GPS2: variants seen among roughly 807,000 people sequenced by gnomAD.
GPS2 encodes the protein GPS-2.
GPS2 carries 22 observed loss-of-function variants against 48.1 expected under a neutral mutation model. That is an observed-to-expected ratio of 0.46 (90% confidence interval 0.33 to 0.65). The LOEUF (loss-of-function observed/expected upper bound fraction) is 0.65. GPS2 is among the 30% of genes least tolerant of loss of function. GPS2 has a pLI of 0.03. For missense variants in GPS2, 366 were observed against 406.8 expected (o/e 0.90, Z 0.86); for synonymous variants, 202 against 142.5 (o/e 1.42, Z -2.98).
At position 7,314,489 on chromosome 17, in the gene GPS2, T is replaced by C; in HGVS notation, c.203A>G (p.Gln68Arg). 2 of 1,614,186 alleles carry C rather than the reference T, an allele frequency of 1.2e-6. No individual in the cohort carries two copies. The highest frequency in any genetic ancestry group is 8.5e-7 in the Non-Finnish European group (1 of 1,180,012). Residue 68 changes from glutamine to arginine, a missense_variant and splice_region_variant, in exon 3 of 11, where the codon CAA (glutamine) becomes CGA (arginine). Transcript: ENST00000380728. ...GGGAAAGTTCAAGGGACTGCTTACTTGTTCCTTGGTCTCCTCTAATGACAT... is the reference window on the plus strand; with the variant it reads ...GGGAAAGTTCAAGGGACTGCTTACTCGTTCCTTGGTCTCCTCTAATGACAT... ...ERMSLEETKEQILKLEEKLLA... is the reference protein window; with the variant it reads ...ERMSLEETKERILKLEEKLLA...
In GPS2 at chr17:7,313,198, G is replaced by A. The variant is rs1567615381; in HGVS notation, c.804+14C>T. 14 of 1,613,086 alleles carry A rather than the reference G, an allele frequency of 8.7e-6. No homozygotes were observed. The highest frequency in any genetic ancestry group is 1.7e-5 in the Admixed American group (1 of 59,982). On this transcript the variant is annotated intron_variant, in intron 9 of 10. Transcript: ENST00000380728. ...CATATCCCTAACCCTGACCTCCCAA[G>A]GTGCCATACTCACTGAGTCGGAGAA...
chr17:7,312,919 C>T (rs566702745), intron 10 of GPS2, 80 bp from the exon 11 acceptor site: 2 of 1,498,936 alleles, frequency 1.3e-6, no homozygotes, highest in East Asian at 2.3e-5. Context: ...TAACCACCCC[C>T]AAAGAGGAAG....
intron 4 of GPS2, 26 bp downstream of exon 4, chr17:7,314,265 T>A: frequency 2.5e-6 from 4 of 1,607,618 alleles, no homozygotes; most frequent in South Asian, 1.1e-5. Flanking sequence ...TGGCCCCCAT[T>A]TCAGTTTTTA....
At chr17:7,313,315 G>A in intron 8 of GPS2, 24 bp from the exon 9 acceptor site, 1 of 1,612,484 alleles carries the variant, frequency 6.2e-7, no homozygotes, top group Non-Finnish European at 8.5e-7. Context: ...AGGGGCATGT[G>A]AGATGAGAAT....
intron 2 of GPS2, 131 bp downstream of exon 2, chr17:7,314,828 C>T: frequency 3.8e-6 from 5 of 1,303,286 alleles, no homozygotes; most frequent in Non-Finnish European, 5.4e-6. Context: ...TAAATCCCAC[C>T]ACAACGGGGC....
Position 7,313,377 on chromosome 17 carries a change from C to T in GPS2, c.724+3G>A, listed in dbSNP as rs2072890421. 6.2e-7 allele frequency: 1 copy of T among 1,613,854 alleles called. No homozygotes were observed. The highest frequency in any genetic ancestry group is 8.5e-7 in the Non-Finnish European group (1 of 1,179,772). ...CTAGAGCTCCTGCATGGGATGTTATCACCTGTCTGAGTGGGCTGAAAGTGG... is the reference window on the plus strand; with the variant it reads ...CTAGAGCTCCTGCATGGGATGTTATTACCTGTCTGAGTGGGCTGAAAGTGG... On this transcript the variant is annotated splice_donor_region_variant and intron_variant, in intron 8 of 10. Transcript: ENST00000380728.
Position 7,312,845 on chromosome 17 carries a change from G to A in GPS2, c.901-6C>T, listed in dbSNP as rs1284712967. The A allele has an allele frequency of 6.2e-7, 1 of 1,612,948 alleles. No homozygotes were observed. The highest frequency in any genetic ancestry group is 8.5e-7 in the Non-Finnish European group (1 of 1,179,058). ...CTGGTAGCTGCAAAGCCCGACTGGT[G>A]GTGGTGATGAAAAGAGGGCTTTGTC... is the stretch of plus-strand genomic sequence containing the variant. On this transcript the variant is annotated splice_polypyrimidine_tract_variant and splice_region_variant and intron_variant, in intron 10 of 10. Coordinates refer to ENST00000380728, the MANE Select transcript of GPS2 (RefSeq NM_004489.5).
intron 4 of GPS2, 43 bp from the exon 5 acceptor site, chr17:7,314,202 T>C (rs1207826489): frequency 1.3e-6 from 2 of 1,596,258 alleles, no homozygotes; most frequent in South Asian, 1.1e-5. Flanking sequence ...GACAGATGCC[T>C]TCTCTTTTGC....
At position 7,313,981 on chromosome 17, in the gene GPS2, A is replaced by G. The variant is rs778163298; in HGVS notation, c.405T>C (p.Pro135=). Residue 135 remains proline (P), a synonymous_variant, in exon 6 of 11, where the codon CCT becomes CCC. Transcript: ENST00000380728. ...GTHLLSMQGS[P]GGHNRPGTLM... ...GGGTGCCTGGGCGATTGTGTCCTCCAGGGCTCCCTAGAAAGGGAGAAGGGC... is the reference window on the plus strand; with the variant it reads ...GGGTGCCTGGGCGATTGTGTCCTCCGGGGCTCCCTAGAAAGGGAGAAGGGC... The G allele has an allele frequency of 6.2e-7, 1 of 1,613,680 alleles. No individual in the cohort carries two copies. Among genetic ancestry groups the G allele is most frequent in the Non-Finnish European group, 8.5e-7 (1 of 1,179,772 alleles).
intron 8 of GPS2, 27 bp downstream of exon 8, chr17:7,313,353 T>C (rs934313294): frequency 1.9e-6 from 3 of 1,611,840 alleles, no homozygotes; most frequent in Admixed American, 3.3e-5. Flanking sequence ...ACCTGAGAGC[T>C]AGAGCTCCTG....
intron 1 of GPS2, 59 bp from the exon 2 acceptor site, chr17:7,315,178 C>T (rs960409950): frequency 5.7e-6 from 3 of 527,628 alleles, no homozygotes; most frequent in Non-Finnish European, 6.0e-6. Flanking sequence ...AGCCCGTCCG[C>T]CCGGCCCGCT....
At chr17:7,313,330 C>T (rs1029890552) in intron 8 of GPS2, 39 bp from the exon 9 acceptor site, 10 of 1,611,556 alleles carry the variant, frequency 6.2e-6, no homozygotes, top group Non-Finnish European at 6.8e-6. Context: ...GAGAATGAAA[C>T]AGGGAGGGGA....
intron 7 of GPS2, 34 bp downstream of exon 7, chr17:7,313,534 A>G (rs749986238): frequency 1.2e-6 from 2 of 1,613,616 alleles, no homozygotes; most frequent in Non-Finnish European, 1.7e-6. Context: ...TTTGACCTTG[A>G]GGAAGGCCAA....
rs776644362 is a variant in GPS2, at chr17:7,314,414, G to T, written c.205-11C>A. Reference sequence around the variant, plus strand: ...CTCCAACTTCAGAATCTGGGATGGGGTGGGAAAAGAAGATGAAGGCAGGGA... The same window carrying T: ...CTCCAACTTCAGAATCTGGGATGGGTTGGGAAAAGAAGATGAAGGCAGGGA... On this transcript the variant is annotated splice_polypyrimidine_tract_variant and intron_variant, in intron 3 of 10. Transcript: ENST00000380728. The T allele has an allele frequency of 2.5e-6, 4 of 1,614,130 alleles. No individual in the cohort carries two copies. Among genetic ancestry groups the T allele is most frequent in the Middle Eastern group, 1.6e-4 (1 of 6,062 alleles).
rs1453707907 is a variant in GPS2, at chr17:7,314,951, C to A, written c.94+8G>T. ...GCCGTGCGTCCCCCTGCTATGGCCC[C>A]GGCTCACCCTGCCGCTTGCGCTCCC... On this transcript the variant is annotated splice_region_variant and intron_variant, in intron 2 of 10. Coordinates refer to ENST00000380728, the MANE Select transcript of GPS2 (RefSeq NM_004489.5). The A allele has an allele frequency of 6.4e-7, 1 of 1,568,756 alleles. No individual in the cohort carries two copies. Among genetic ancestry groups the A allele is most frequent in the Non-Finnish European group, 8.6e-7 (1 of 1,157,750 alleles).
intron 6 of GPS2, 23 bp downstream of exon 6, chr17:7,313,883 T>TA: frequency 1.2e-6 from 2 of 1,604,104 alleles, no homozygotes; most frequent in Non-Finnish European, 8.5e-7. Flanking sequence ...TACTAGGGGC[T>TA]AGGCATCCAA....
chr17:7,313,754 C>T (rs2072897207), intron 6 of GPS2, 33 bp from the exon 7 acceptor site: 1 of 1,609,870 alleles, frequency 6.2e-7, no homozygotes, highest in African/African-American at 1.3e-5. Flanking sequence ...CGCCTACAAA[C>T]TCCTTGAAAG....
Position 7,314,078 on chromosome 17 carries a change from A to C in GPS2, c.397+2T>G. The C allele has an allele frequency of 6.2e-7, 1 of 1,613,692 alleles. No individual in the cohort carries two copies. The highest frequency in any genetic ancestry group is 8.5e-7 in the Non-Finnish European group (1 of 1,179,696). ...CCATCTGGTGGTTTCTTTAGTCCTC[A>C]CCCTGCATGCTGAGGAGATGAGTTC... On this transcript the variant is annotated splice_donor_variant, in intron 5 of 10. Coordinates refer to ENST00000380728, the MANE Select transcript of GPS2 (RefSeq NM_004489.5). LOFTEE classifies it high-confidence loss of function.
rs2072894024 is a variant in GPS2 at position 7,313,571 on chromosome 17, T to C, written c.631A>G (p.Arg211Gly). The part of the protein sequence containing the change: ...QPAYSPSQQL[R>G]APSAFPAVQY... ...CCCCATCCCTCCTATTACTCACCTC[T>C]GAGCTGCTGACTAGGACTATAAGCT... Residue 211 changes from arginine (R) to glycine (G), a missense_variant, in exon 7 of 11, where the codon AGA (arginine) becomes GGA (glycine). Physicochemically the swap from Arg to Gly is moderately radical, Grantham distance 125 (BLOSUM62 -2). Coordinates refer to ENST00000380728, the MANE Select transcript of GPS2 (RefSeq NM_004489.5). 6 of 1,613,970 alleles carry C rather than the reference T, an allele frequency of 3.7e-6. No homozygotes were observed. The highest frequency in any genetic ancestry group is 5.1e-6 in the Non-Finnish European group (6 of 1,179,886).
Sources: allele counts gnomAD v4.1 joint callset, GRCh38; gene constraint gnomAD v4.1.1; transcripts MANE v1.5; gene names NCBI Gene and HGNC (gene_info 2026-07-23, HGNC 2026-07-21).